KCNIP4: variants seen among roughly 807,000 people sequenced by gnomAD.
KCNIP4 encodes the protein potassium voltage-gated channel interacting protein 4, also known as Kv channel-interacting protein 4.
A neutral mutation model predicts 34.0 loss-of-function variants in KCNIP4; 12 were observed. The observed-to-expected ratio is 0.35, with a 90% CI of 0.23 to 0.57. The LOEUF is 0.57. Among genes scored for constraint, KCNIP4 ranks in the 20% least tolerant of loss-of-function variants. The pLI, the probability that KCNIP4 is intolerant of heterozygous loss-of-function variation, is 0.83. For missense variants in KCNIP4, 238 were observed against 311.7 expected, an observed-to-expected ratio of 0.76 and a Z score of 1.78; for synonymous variants, 124 against 102.2, an observed-to-expected ratio of 1.21 and a Z score of -1.29.
At chr4:21,381,825 G>A (rs746547586) in intron 1 of KCNIP4, among the ~76,000 whole-genome samples, 7 of 152,182 alleles carry the variant, frequency 4.6e-5, no homozygotes, top group Non-Finnish European at 1.0e-4. Flanking sequence ...GGAGGAGTAA[G>A]TATTAAATTG....
chr4:21,225,564 A>G (rs988006215), intron 1 of KCNIP4, among the ~76,000 whole-genome samples: 1 of 152,126 alleles, frequency 6.6e-6, no homozygotes, highest in African/African-American at 2.4e-5. Context: ...AAATTCTATA[A>G]TCGCTGGATT....
chr4:21,461,223 C>T (rs996725662), intron 1 of KCNIP4, among the ~76,000 whole-genome samples: 1 of 151,996 alleles, frequency 6.6e-6, no homozygotes, highest in African/African-American at 2.4e-5. Context: ...GTCTCGCTCT[C>T]TCTCCACTGC....
At chr4:21,726,550 T>C (rs905449000) in intron 1 of KCNIP4, among the ~76,000 whole-genome samples, 2 of 152,120 alleles carry the variant, frequency 1.3e-5, no homozygotes, top group African/African-American at 4.8e-5. Flanking sequence ...CTGGAGAACA[T>C]TGTCATTTAG....
At chr4:21,678,174 C>A (rs1230453190) in intron 1 of KCNIP4, among the ~76,000 whole-genome samples, 1 of 152,118 alleles carries the variant, frequency 6.6e-6, no homozygotes, top group Admixed American at 6.5e-5. Context: ...CTCAACACTA[C>A]CATTATAATG....
rs181656980 is a variant in KCNIP4, at chr4:21,044,447, G to A, written c.62-161738C>T. Among the ~76,000 whole-genome samples, 6 of 152,194 alleles carry A rather than the reference G, an allele frequency of 3.9e-5. No homozygotes were observed. The East Asian group carries it at 1.2e-3, about 29-fold the overall frequency. On this transcript the variant is annotated intron_variant, in intron 1 of 8. Coordinates refer to ENST00000382152, the MANE Select transcript of KCNIP4 (RefSeq NM_025221.6). ...CTACTTCAGCCTCCCAAGTAGCTGG[G>A]ACTAGAGGCACCTGCCACCATGCCC...
intron 1 of KCNIP4, chr4:21,303,897 C>A: frequency 1.9e-6 from 3 of 1,614,032 alleles, no homozygotes; most frequent in Non-Finnish European, 2.5e-6. Flanking sequence ...TCAAGCCCTT[C>A]CAAGTTCATG....
intron 1 of KCNIP4, among the ~76,000 whole-genome samples, chr4:20,960,036 T>G (rs1577438395): frequency 6.6e-6 from 1 of 152,196 alleles, no homozygotes; most frequent in East Asian, 1.9e-4. Context: ...GTAGACAGAC[T>G]GTGCATAAAA....
At chr4:21,884,814 C>T (rs1014695871) in intron 1 of KCNIP4, among the ~76,000 whole-genome samples, 4 of 152,032 alleles carry the variant, frequency 2.6e-5, no homozygotes, top group East Asian at 1.9e-4. Context: ...TTCTGAAAGA[C>T]GATGATGTCA....
chr4:21,543,551 T>G (rs1737878763), intron 1 of KCNIP4, among the ~76,000 whole-genome samples: 1 of 152,148 alleles, frequency 6.6e-6, no homozygotes, highest in Non-Finnish European at 1.5e-5. Flanking sequence ...GACCTAATAC[T>G]GTTTATGTTG....
At chr4:21,847,932 T>C (rs185969008) in intron 1 of KCNIP4, 1 of 152,110 alleles carries the variant, frequency 6.6e-6, no homozygotes, top group East Asian at 1.9e-4. Context: ...CCTTTCCTTT[T>C]TCCTGTGTGG....
chr4:20,737,017 A>G (rs1278952651), intron 5 of KCNIP4, among the ~76,000 whole-genome samples: 2 of 152,170 alleles, frequency 1.3e-5, no homozygotes, highest in East Asian at 3.9e-4. Context: ...TGGCCAATTG[A>G]TTTTCGATAA....
chr4:20,931,198 GAC>G (rs901352484), intron 1 of KCNIP4, among the ~76,000 whole-genome samples: 1 of 108,228 alleles, frequency 9.2e-6, no homozygotes, highest in Non-Finnish European at 2.0e-5. Flanking sequence ...CACACACACA[GAC>G]ACACACACAC....
At chr4:21,389,742 A>G (rs1216660201) in intron 1 of KCNIP4, among the ~76,000 whole-genome samples, 1 of 152,088 alleles carries the variant, frequency 6.6e-6, no homozygotes, top group African/African-American at 2.4e-5. Context: ...TTCTATTGCG[A>G]ATAGTGCCAC....
At chr4:21,738,931 CATT>C (rs1425381209) in intron 1 of KCNIP4, among the ~76,000 whole-genome samples, 1 of 152,058 alleles carries the variant, frequency 6.6e-6, no homozygotes, top group Non-Finnish European at 1.5e-5. Context: ...TATTGAATGA[CATT>C]ATTATAAGAC....
At chr4:20,983,391 T>G (rs1242595264) in intron 1 of KCNIP4, among the ~76,000 whole-genome samples, 1 of 152,062 alleles carries the variant, frequency 6.6e-6, no homozygotes, top group Admixed American at 6.6e-5. Context: ...CCCCCACACC[T>G]CCTAACTAAT....
At chr4:21,576,255 T>G (rs1017213493) in intron 1 of KCNIP4, among the ~76,000 whole-genome samples, 1 of 152,156 alleles carries the variant, frequency 6.6e-6, no homozygotes, top group African/African-American at 2.4e-5. Context: ...AGAAATCAAC[T>G]GATTTAAGAC....
At chr4:21,319,701 A>G (rs1714171968) in intron 1 of KCNIP4, among the ~76,000 whole-genome samples, 1 of 152,286 alleles carries the variant, frequency 6.6e-6, no homozygotes, top group Non-Finnish European at 1.5e-5. Context: ...CCCTACACAG[A>G]TGCACACAAG....
chr4:21,738,029 T>A (rs1246168144), intron 1 of KCNIP4, among the ~76,000 whole-genome samples: 1 of 151,476 alleles, frequency 6.6e-6, no homozygotes, highest in Non-Finnish European at 1.5e-5. Context: ...GAGGTGGAGC[T>A]TGCAGTGAGC....
intron 1 of KCNIP4, among the ~76,000 whole-genome samples, chr4:21,023,058 G>C (rs753447066): frequency 6.6e-6 from 1 of 151,930 alleles, no homozygotes; most frequent in East Asian, 1.9e-4. Context: ...CTTGACTTTA[G>C]GTGATCCACC....
Sources: allele counts gnomAD v4.1 joint callset (sites outside exome capture counted in the v4.1 genomes callset), GRCh38; gene constraint gnomAD v4.1.1; transcripts MANE v1.5; gene names NCBI Gene and HGNC (gene_info 2026-07-23, HGNC 2026-07-21).